The following SV2C variants were observed in gnomAD, a reference collection of about 807,000 sequenced individuals.
SV2C encodes synaptic vesicle glycoprotein 2C.
A neutral mutation model predicts 79.7 loss-of-function variants in SV2C; 49 were observed. The observed-to-expected ratio is 0.61, with a 90% CI of 0.49 to 0.78. SV2C has a LOEUF of 0.78. Ranked by LOEUF, SV2C falls within the 30% of genes least tolerant of loss-of-function variation. SV2C has a pLI of 0.00. For missense variants in SV2C, 833 were observed against 912.9 expected (o/e 0.91, Z 1.13); for synonymous variants, 334 against 333.2 (o/e 1.00, Z -0.03).
At chr5:76,118,918 G>A (rs1748380171) in intron 1 of SV2C, among the ~76,000 whole-genome samples, 1 of 152,194 alleles carries the variant, frequency 6.6e-6, no homozygotes, top group Admixed American at 6.5e-5. Flanking sequence ...AGGAGGTAGA[G>A]GTTGTGGTGA....
At chr5:76,171,922 T>C in intron 2 of SV2C, among the ~76,000 whole-genome samples, 1 of 102,764 alleles carries the variant, frequency 9.7e-6, no homozygotes, top group Non-Finnish European at 2.0e-5. Flanking sequence ...AGCCGCCCCG[T>C]CCGGGAGGGA....
At chr5:75,876,409 G>A in the SV2C span, among the ~76,000 whole-genome samples, 1 of 152,036 alleles carries the variant, frequency 6.6e-6, no homozygotes, top group Non-Finnish European at 1.5e-5. Flanking sequence ...CAGATACTGG[G>A]TTCTCCTTGA....
At chr5:75,886,424 CT>C in the SV2C span, among the ~76,000 whole-genome samples, 1 of 152,174 alleles carries the variant, frequency 6.6e-6, no homozygotes, top group Non-Finnish European at 1.5e-5. Flanking sequence ...TCTTCAGAGT[CT>C]GTTTCTCTGA....
chr5:76,150,198 CTT>C (rs397998189), intron 2 of SV2C, among the ~76,000 whole-genome samples: 1,859 of 122,346 alleles, frequency 0.015, 39 homozygotes, highest in African/African-American at 0.047. Context: ...GATTTAATAT[CTT>C]TTTTTTTTTT....
At chr5:75,925,391 A>T in the SV2C span, among the ~76,000 whole-genome samples, 1 of 152,218 alleles carries the variant, frequency 6.6e-6, no homozygotes, top group Non-Finnish European at 1.5e-5. Flanking sequence ...ACGATATTTA[A>T]TCACATTTCC....
At chr5:76,196,249 T>C (rs1744268394) in intron 3 of SV2C, among the ~76,000 whole-genome samples, 1 of 152,204 alleles carries the variant, frequency 6.6e-6, no homozygotes, top group Admixed American at 6.5e-5. Context: ...CTTGACTAAG[T>C]TGCACAAATT....
chr5:76,286,746 C>G (rs1286172613), intron 6 of SV2C: 1 of 152,196 alleles, frequency 6.6e-6, no homozygotes, highest in African/African-American at 2.4e-5. Context: ...AACTTCTGAT[C>G]ATGGCAGAAG....
At chr5:76,188,917 G>A (rs1371259649) in intron 2 of SV2C, among the ~76,000 whole-genome samples, 1 of 151,842 alleles carries the variant, frequency 6.6e-6, no homozygotes, top group East Asian at 2.0e-4. Flanking sequence ...CAGGAGCAGG[G>A]ACAACAGGGC....
At chr5:75,981,788 T>G in the SV2C span, among the ~76,000 whole-genome samples, 1 of 151,994 alleles carries the variant, frequency 6.6e-6, no homozygotes, top group Admixed American at 6.6e-5. Context: ...TAGGCAATAC[T>G]ATTCAGGACA....
intron 1 of SV2C, among the ~76,000 whole-genome samples, chr5:76,126,913 A>T (rs549569098): frequency 4.6e-5 from 7 of 152,258 alleles, no homozygotes; most frequent in African/African-American, 1.7e-4. Context: ...GGGCATTTTT[A>T]AAAGTACCTA....
At chr5:75,967,449 T>A in the SV2C span, among the ~76,000 whole-genome samples, 1 of 152,176 alleles carries the variant, frequency 6.6e-6, no homozygotes. Context: ...GGACGGCACC[T>A]GGAAAATCGG....
chr5:75,850,892 G>A, the SV2C span, among the ~76,000 whole-genome samples: 2 of 152,082 alleles, frequency 1.3e-5, no homozygotes, highest in Non-Finnish European at 2.9e-5. Context: ...TCTATCAGCC[G>A]AGGGGCTGTT....
chr5:76,223,535 T>C (rs984072353), intron 4 of SV2C, among the ~76,000 whole-genome samples: 6 of 134,932 alleles, frequency 4.4e-5, no homozygotes, highest in African/African-American at 1.7e-4. Context: ...ACTGAAGAGG[T>C]TTTTTACATC....
chr5:75,997,414 T>C, the SV2C span, among the ~76,000 whole-genome samples: 1 of 55,724 alleles, frequency 1.8e-5, no homozygotes, highest in African/African-American at 1.0e-4. Context: ...ACCTACAGAA[T>C]GGGAGAAAAT....
At chr5:76,261,429 T>C (rs1453283099) in intron 4 of SV2C, among the ~76,000 whole-genome samples, 1 of 152,194 alleles carries the variant, frequency 6.6e-6, no homozygotes, top group East Asian at 1.9e-4. Flanking sequence ...TCAAACATGC[T>C]TTATTTATTT....
chr5:76,017,305 G>T, the SV2C span, among the ~76,000 whole-genome samples: 3 of 152,126 alleles, frequency 2.0e-5, no homozygotes, highest in African/African-American at 2.4e-5. Flanking sequence ...GTTGTTGTTT[G>T]AGAAGGAGTC....
At chr5:75,907,434 T>G in the SV2C span, among the ~76,000 whole-genome samples, 1 of 152,152 alleles carries the variant, frequency 6.6e-6, no homozygotes, top group Non-Finnish European at 1.5e-5. Context: ...TCAGAGCTGC[T>G]ACACTGTGGT....
the SV2C span, among the ~76,000 whole-genome samples, chr5:75,945,846 G>A: frequency 3.0e-3 from 460 of 152,150 alleles, no homozygotes; most frequent in Non-Finnish European, 5.6e-3. Context: ...TCAAAAGAAT[G>A]TAATGGGGGA....
chr5:76,066,798 A>G, the SV2C span, among the ~76,000 whole-genome samples: 1 of 57,808 alleles, frequency 1.7e-5, no homozygotes, highest in African/African-American at 4.6e-5. Context: ...ACCCTGTTAA[A>G]AAAAAAAAAA....
Sources: gnomAD v4.1 joint callset for allele counts (sites outside exome capture counted in the v4.1 genomes callset) on GRCh38, gnomAD v4.1.1 for gene constraint, MANE v1.5 for transcripts, NCBI Gene and HGNC (gene_info 2026-07-23, HGNC 2026-07-21) for gene names.